FER: variants seen among roughly 807,000 people sequenced by gnomAD.
The protein encoded by FER is FER tyrosine kinase.
Under a neutral mutation model 111.0 loss-of-function variants are expected in FER, and 63 were observed. The observed-to-expected ratio is 0.57, with a 90% CI of 0.46 to 0.70. The LOEUF (loss-of-function observed/expected upper bound fraction) is 0.70. Among genes scored for constraint, FER ranks in the 30% least tolerant of loss-of-function variants. FER has a pLI of 0.00. For missense variants in FER, 914 were observed against 954.0 expected (o/e 0.96, Z 0.55); for synonymous variants, 327 against 313.9 (o/e 1.04, Z -0.44).
chr5:109,100,893 C>T (rs953912182), intron 17 of FER, among the ~76,000 whole-genome samples: 1 of 151,814 alleles, frequency 6.6e-6, no homozygotes, highest in Non-Finnish European at 1.5e-5. Flanking sequence ...CATATGAAGT[C>T]ATGGAAAAGC....
chr5:108,833,443 C>T (rs957702498), intron 4 of FER, among the ~76,000 whole-genome samples: 7 of 150,820 alleles, frequency 4.6e-5, no homozygotes, highest in Non-Finnish European at 1.0e-4. Flanking sequence ...CAACTTCCAC[C>T]TACCCATCAC....
chr5:108,818,259 C>T (rs1758478220), intron 3 of FER: 3 of 152,034 alleles, frequency 2.0e-5, no homozygotes, highest in African/African-American at 7.3e-5. Context: ...GAAATCCCAT[C>T]TCTACAAAAA....
intron 2 of FER, among the ~76,000 whole-genome samples, chr5:108,796,041 T>C (rs188714983): frequency 1.3e-5 from 2 of 152,358 alleles, no homozygotes; most frequent in Admixed American, 6.5e-5. Context: ...TTCCAGGTAA[T>C]ACAAGGTACT....
chr5:108,907,650 TAGAC>T (rs1215430262), intron 10 of FER, among the ~76,000 whole-genome samples: 2 of 152,068 alleles, frequency 1.3e-5, no homozygotes, highest in East Asian at 3.9e-4. Context: ...CCTGGAATAG[TAGAC>T]AGAGTCTCTG....
chr5:108,860,043 G>A (rs1763365842), intron 5 of FER, among the ~76,000 whole-genome samples: 1 of 151,690 alleles, frequency 6.6e-6, no homozygotes, highest in South Asian at 2.1e-4. Context: ...CCGGGTTCCA[G>A]TGATTGTCCT....
At chr5:108,831,124 G>T (rs1760001652) in intron 3 of FER, among the ~76,000 whole-genome samples, 1 of 152,098 alleles carries the variant, frequency 6.6e-6, no homozygotes, top group Non-Finnish European at 1.5e-5. Flanking sequence ...CAATTGTGTG[G>T]TTTTTTGGCT....
intron 14 of FER, among the ~76,000 whole-genome samples, chr5:109,039,574 T>C (rs887389809): frequency 6.6e-6 from 1 of 152,104 alleles, no homozygotes; most frequent in Admixed American, 6.6e-5. Context: ...ATAAACCTTA[T>C]TATGTTTACT....
At chr5:109,036,801 T>C (rs1770467629) in intron 13 of FER, among the ~76,000 whole-genome samples, 1 of 152,050 alleles carries the variant, frequency 6.6e-6, no homozygotes, top group African/African-American at 2.4e-5. Flanking sequence ...TAGTAATCAG[T>C]TCTTGAGATC....
At chr5:108,978,843 A>G (rs574067509) in intron 13 of FER, among the ~76,000 whole-genome samples, 142 of 152,324 alleles carry the variant, frequency 9.3e-4, no homozygotes, top group African/African-American at 3.0e-3. Context: ...TGGCACTTAC[A>G]TCCCTTAGAT....
In FER at chr5:108,765,541, T is replaced by C. The variant is rs182922381; in HGVS notation, c.-205-2552T>C. On this transcript the variant is annotated intron_variant, in intron 1 of 19. Transcript: ENST00000281092. Reference sequence around the variant, plus strand: ...CTCAAGTGATCCTTCTGCCTCAGCCTCTTGAGTAGCTAGGACTACAGTGGG... The same window carrying C: ...CTCAAGTGATCCTTCTGCCTCAGCCCCTTGAGTAGCTAGGACTACAGTGGG... Among the ~76,000 whole-genome samples, 84 of 152,246 alleles carry C rather than the reference T, an allele frequency of 5.5e-4. 1 individual carries two copies. Among genetic ancestry groups the C allele is most frequent in the African/African-American group, 2.0e-3 (83 of 41,556 alleles).
rs1005250637 is a variant in FER at position 108,798,347 on chromosome 5, G to A, written c.165G>A (p.Lys55=). ...TLQNLCNQVD[K]ESTVQMNYVS... ...AGAACCTTTGTAATCAAGTTGATAA[G>A]GAAAGTACTGTCCAAATGAATTATG... Residue 55 remains lysine, a synonymous_variant, in exon 3 of 20, where the codon AAG becomes AAA. Transcript: ENST00000281092. 6.2e-7 allele frequency: 1 copy of A among 1,613,694 alleles called. No individual in the cohort carries two copies. Among genetic ancestry groups the A allele is most frequent in the African/African-American group, 1.3e-5 (1 of 74,904 alleles).
At chr5:108,756,015 G>A (rs1452098921) in intron 1 of FER, among the ~76,000 whole-genome samples, 1 of 150,810 alleles carries the variant, frequency 6.6e-6, no homozygotes, top group Non-Finnish European at 1.5e-5. Flanking sequence ...TTAGCTGGGT[G>A]TGATGGCACG....
chr5:108,895,216 G>T (rs28611371), intron 9 of FER, among the ~76,000 whole-genome samples: 33,912 of 151,920 alleles, frequency 0.22, 3,952 homozygotes, highest in African/African-American at 0.27. Context: ...ACTTGAAATC[G>T]TTTTTTCAAA....
chr5:109,053,124 C>T (rs960386179), intron 16 of FER, among the ~76,000 whole-genome samples: 10 of 152,172 alleles, frequency 6.6e-5, no homozygotes, highest in African/African-American at 1.2e-4. Flanking sequence ...CAGTGGCTCA[C>T]GCCTGTAATC....
intron 13 of FER, among the ~76,000 whole-genome samples, chr5:109,017,356 A>G (rs1179117950): frequency 6.6e-6 from 1 of 152,046 alleles, no homozygotes; most frequent in Non-Finnish European, 1.5e-5. Flanking sequence ...TTTATTTCAT[A>G]CATTACAAAT....
intron 11 of FER, among the ~76,000 whole-genome samples, chr5:108,954,520 T>C (rs571970867): frequency 9.9e-5 from 15 of 152,144 alleles, no homozygotes; most frequent in Admixed American, 4.6e-4. Context: ...CTTTGTATGA[T>C]AGATAAAACA....
intron 14 of FER, among the ~76,000 whole-genome samples, chr5:109,039,615 T>A (rs1025573832): frequency 1.3e-5 from 2 of 152,024 alleles, no homozygotes; most frequent in Non-Finnish European, 2.9e-5. Flanking sequence ...AGGTGGGAAA[T>A]ATAGCCACAT....
At chr5:108,859,833 C>G (rs1763336436) in intron 5 of FER, among the ~76,000 whole-genome samples, 2 of 151,678 alleles carry the variant, frequency 1.3e-5, no homozygotes, top group Admixed American at 1.3e-4. Context: ...CAGTTCAAAA[C>G]CCATAAAATG....
At chr5:108,836,465 T>A (rs1395797165) in intron 5 of FER, among the ~76,000 whole-genome samples, 1 of 152,180 alleles carries the variant, frequency 6.6e-6, no homozygotes, top group Non-Finnish European at 1.5e-5. Flanking sequence ...ATTTTCCTTA[T>A]GTTTAAATGT....
Sources: allele counts gnomAD v4.1 joint callset (sites outside exome capture counted in the v4.1 genomes callset), GRCh38; gene constraint gnomAD v4.1.1; transcripts MANE v1.5; gene names NCBI Gene and HGNC (gene_info 2026-07-23, HGNC 2026-07-21).